Variants in SORL1 observed in about 807,000 individuals in gnomAD.
SORL1 encodes sortilin related receptor 1, also known as sortilin-related receptor.
A neutral mutation model predicts 273.7 loss-of-function variants in SORL1; 127 were observed. The observed-to-expected ratio is 0.46, with a 90% CI of 0.40 to 0.54. SORL1 has a LOEUF of 0.54. Among genes scored for constraint, SORL1 ranks in the 20% least tolerant of loss-of-function variants. SORL1 has a pLI of 0.00. For missense variants in SORL1, 2,494 were observed against 2,846.1 expected (o/e 0.88, Z 2.81); for synonymous variants, 1,031 against 1,067.4 (o/e 0.97, Z 0.66).
intron 1 of SORL1, among the ~76,000 whole-genome samples, chr11:121,464,953 G>A (rs534158613): frequency 4.6e-5 from 7 of 152,254 alleles, no homozygotes; most frequent in African/African-American, 1.4e-4. Context: ...GAAGCTCCTA[G>A]GTTCTTGATT....
rs745353195 is a variant in SORL1, at chr11:121,577,311, A to G, written c.3491A>G (p.Asn1164Ser). ...EMHQCRSDEY[N>S]CSSGMCIRSS... Reference sequence around the variant, plus strand: ...CACCAGTGCCGGAGTGACGAGTACAACTGCAGTTCCGGCATGTGCATCCGC... The same window carrying G: ...CACCAGTGCCGGAGTGACGAGTACAGCTGCAGTTCCGGCATGTGCATCCGC... The change falls in exon 25 of 48, where the codon AAC (asparagine) becomes AGC (serine). Residue 1164 changes from asparagine (N) to serine (S), a missense_variant. Physicochemically the swap from Asn to Ser is conservative, Grantham distance 46. Transcript: ENST00000260197. 12 of 1,612,500 alleles carry G rather than the reference A, an allele frequency of 7.4e-6. No individual in the cohort carries two copies. Among genetic ancestry groups the G allele is most frequent in the African/African-American group, 2.7e-5 (2 of 74,820 alleles).
At chr11:121,620,176 G>T (rs970116307) in intron 43 of SORL1, among the ~76,000 whole-genome samples, 1 of 152,166 alleles carries the variant, frequency 6.6e-6, no homozygotes, top group Non-Finnish European at 1.5e-5. Context: ...TTCCTTCCCT[G>T]ACCCTCTCAC....
intron 11 of SORL1, among the ~76,000 whole-genome samples, chr11:121,531,254 C>T (rs910449439): frequency 1.3e-5 from 2 of 152,190 alleles, no homozygotes; most frequent in Middle Eastern, 3.4e-3. Context: ...ATGAGCTGGG[C>T]GTGGTGGTGC....
chr11:121,475,564 A>T (rs1861252694), intron 2 of SORL1, among the ~76,000 whole-genome samples: 1 of 152,172 alleles, frequency 6.6e-6, no homozygotes, highest in African/African-American at 2.4e-5. Flanking sequence ...CTACTTGGTT[A>T]ATGTGGGTCT....
intron 8 of SORL1, among the ~76,000 whole-genome samples, chr11:121,516,429 G>A (rs1861952599): frequency 6.6e-6 from 1 of 152,186 alleles, no homozygotes; most frequent in Non-Finnish European, 1.5e-5. Flanking sequence ...GCCACACAGG[G>A]AGTCAGGGAG....
chr11:121,592,838 G>A (rs1385595424), intron 31 of SORL1, among the ~76,000 whole-genome samples: 1 of 152,222 alleles, frequency 6.6e-6, no homozygotes, highest in Non-Finnish European at 1.5e-5. Context: ...TCCTCTTCAA[G>A]TTGTTTTTGC....
intron 41 of SORL1, among the ~76,000 whole-genome samples, chr11:121,615,481 A>G (rs1863626798): frequency 6.6e-6 from 1 of 152,116 alleles, no homozygotes; most frequent in African/African-American, 2.4e-5. Flanking sequence ...TCCATATAGC[A>G]TGATATTTCA....
chr11:121,523,215 C>G (rs1195426810), intron 11 of SORL1, among the ~76,000 whole-genome samples: 1 of 152,136 alleles, frequency 6.6e-6, no homozygotes, highest in Non-Finnish European at 1.5e-5. Flanking sequence ...ACTGAACATT[C>G]TAAGATTATG....
chr11:121,452,426 C>T lies in SORL1; in HGVS notation c.95C>T (p.Thr32Met). 4.0e-6 allele frequency: 6 copies of T among 1,514,232 alleles called. No individual in the cohort carries two copies. Among genetic ancestry groups the T allele is most frequent in the Non-Finnish European group, 5.3e-6 (6 of 1,134,576 alleles). The allele number at this position is 1,514,232 out of a possible 1,614,324, so 93.8% of individuals were successfully genotyped here. A position where few individuals can be genotyped will look rare whatever the true frequency, so the allele number is the denominator to read the frequency against. Reference protein sequence around the residue: ...LPPGALCEVWTQRLHGGSAPL... With the variant: ...LPPGALCEVWMQRLHGGSAPL... ...CCCGGAGCTCTCTGCGAAGTCTGGA[C>T]GCAGAGGCTGCACGGCGGCAGCGCG... The change falls in exon 1 of 48, where the codon ACG becomes ATG. Residue 32 changes from threonine to methionine, a missense_variant. This residue lies in a region of SORL1 where 175 missense variants were observed against 147.1 expected (regional missense o/e 1.19). Coordinates refer to ENST00000260197, the MANE Select transcript of SORL1 (RefSeq NM_003105.6). The surrounding 1 kb of genome is among the most constrained non-coding windows in gnomAD (Gnocchi z 5.3).
At chr11:121,460,002 A>G (rs1860970333) in intron 1 of SORL1, among the ~76,000 whole-genome samples, 1 of 152,238 alleles carries the variant, frequency 6.6e-6, no homozygotes, top group Non-Finnish European at 1.5e-5. Context: ...CCCCTGAATT[A>G]GATTCAAAAC....
At chr11:121,474,766 T>A (rs1591550152) in intron 2 of SORL1, among the ~76,000 whole-genome samples, 1 of 152,202 alleles carries the variant, frequency 6.6e-6, no homozygotes, top group South Asian at 2.1e-4. Flanking sequence ...GTCAGCAGCA[T>A]GGTGCTGCCA....
At chr11:121,538,246 C>T (rs776141836) in intron 12 of SORL1, among the ~76,000 whole-genome samples, 3 of 150,940 alleles carry the variant, frequency 2.0e-5, no homozygotes, top group Non-Finnish European at 2.9e-5. Flanking sequence ...ATTGACTACA[C>T]CATTTAATCA....
At chr11:121,544,696 C>T (rs561797975) in intron 13 of SORL1, among the ~76,000 whole-genome samples, 5 of 152,278 alleles carry the variant, frequency 3.3e-5, no homozygotes, top group African/African-American at 1.2e-4. Flanking sequence ...GTAGAAAGCA[C>T]CCTACTTAGA....
chr11:121,545,272 C>T lies in SORL1; in HGVS notation c.1894C>T (p.Leu632=). The T allele has an allele frequency of 1.2e-6, 2 of 1,614,164 alleles. No homozygotes were observed. The highest frequency in any genetic ancestry group is 1.3e-5 in the African/African-American group (1 of 75,066). The change falls in exon 14 of 48, where the codon CTG becomes TTG. Residue 632 remains leucine (L), a synonymous_variant. Transcript: ENST00000260197. ...TCCCTGCACAGAGAATGACTACAAG[C>T]TGTGGTCACCATCTGATGAGCGGGG... ...GVPCTENDYK[L]WSPSDERGNE... is the part of the protein sequence containing the mutation.
chr11:121,588,138 G>T lies in SORL1; in HGVS notation c.3933G>T (p.Ala1311=). The change falls in exon 28 of 48, where the codon GCG becomes GCT. Residue 1311 remains alanine (A), a synonymous_variant. Transcript: ENST00000260197. ...GCGACGGGTCCGATGAGGATGCGGC[G>T]TTTGCAGGATGCTGTGAGTTGGGGC... ...QCRDGSDEDA[A]FAGCSQDPEF... 6.2e-7 allele frequency: 1 copy of T among 1,613,390 alleles called. No individual in the cohort carries two copies. The highest frequency in any genetic ancestry group is 8.5e-7 in the Non-Finnish European group (1 of 1,179,570).
At position 121,577,269 on chromosome 11, in the gene SORL1, T is replaced by G. The variant is rs1862945100; in HGVS notation, c.3461-12T>G. The G allele has an allele frequency of 6.4e-7, 1 of 1,574,504 alleles. No homozygotes were observed. The highest frequency in any genetic ancestry group is 8.6e-7 in the Non-Finnish European group (1 of 1,162,212). On this transcript the variant is annotated splice_polypyrimidine_tract_variant and intron_variant, in intron 24 of 47. Transcript: ENST00000260197. ...TTTGTCCTCACCTCTCTGTTTATGG[T>G]CTCACCTGCAGAAATGCACCAGTGC...
chr11:121,574,200 A>G (rs188685610), intron 23 of SORL1, 41 bp from the exon 24 acceptor site: 47 of 1,605,010 alleles, frequency 2.9e-5, no homozygotes, highest in Middle Eastern at 1.7e-4. Context: ...TGGGAAATCA[A>G]TTGTACCTAA....
At chr11:121,453,961 C>T (rs1032866409) in intron 1 of SORL1, among the ~76,000 whole-genome samples, 8 of 152,154 alleles carry the variant, frequency 5.3e-5, no homozygotes, top group African/African-American at 1.4e-4. Flanking sequence ...TGGGTGGGAG[C>T]GTTGGATTTC....
At chr11:121,476,321 C>G (rs1325055454) in intron 2 of SORL1, among the ~76,000 whole-genome samples, 2 of 152,222 alleles carry the variant, frequency 1.3e-5, no homozygotes, top group Non-Finnish European at 2.9e-5. Flanking sequence ...TTTGTGGCAG[C>G]TCCTTACTGT....
Sources: allele counts gnomAD v4.1 joint callset (sites outside exome capture counted in the v4.1 genomes callset), GRCh38; gene constraint gnomAD v4.1.1; regional missense constraint gnomAD v4.1.1; non-coding constraint Gnocchi (gnomAD v3.1); transcripts MANE v1.5; gene names NCBI Gene and HGNC (gene_info 2026-07-23, HGNC 2026-07-21).